Variants in SPIRE1 observed in about 807,000 individuals in gnomAD.
SPIRE1 encodes the protein protein spire homolog 1.
In SPIRE1, 40 loss-of-function variants were observed where a neutral mutation model predicts 94.1. That is an observed-to-expected ratio of 0.43 (90% CI 0.33 to 0.55). The LOEUF is 0.55. Among genes scored for constraint, SPIRE1 ranks in the 20% least tolerant of loss-of-function variants. The pLI is 0.06. For missense variants in SPIRE1, 838 were observed against 975.2 expected (o/e 0.86, Z 1.87); for synonymous variants, 376 against 371.7 (o/e 1.01, Z -0.13).
intron 10 of SPIRE1, among the ~76,000 whole-genome samples, chr18:12,475,333 C>T (rs1418812146): frequency 6.6e-6 from 1 of 152,190 alleles, no homozygotes; most frequent in Non-Finnish European, 1.5e-5. Context: ...CAGTCACATT[C>T]TACATACCCT....
intron 10 of SPIRE1, among the ~76,000 whole-genome samples, chr18:12,477,216 G>C (rs1176777549): frequency 6.6e-6 from 1 of 152,148 alleles, no homozygotes; most frequent in Non-Finnish European, 1.5e-5. Context: ...GTAGGCCTGT[G>C]GGGGTGCAGG....
At chr18:12,460,558 C>G (rs906092513) in intron 12 of SPIRE1, among the ~76,000 whole-genome samples, 12 of 151,980 alleles carry the variant, frequency 7.9e-5, no homozygotes, top group African/African-American at 2.7e-4. Flanking sequence ...CCTAAGTATA[C>G]AAAATTAGCC....
At chr18:12,529,647 T>C (rs550846197) in intron 4 of SPIRE1, among the ~76,000 whole-genome samples, 12 of 152,124 alleles carry the variant, frequency 7.9e-5, no homozygotes, top group Non-Finnish European at 1.8e-4. Flanking sequence ...CCAAGATGAG[T>C]TAACTGTATT....
intron 2 of SPIRE1, among the ~76,000 whole-genome samples, chr18:12,627,601 T>A (rs2037669768): frequency 6.6e-6 from 1 of 152,202 alleles, no homozygotes; most frequent in Non-Finnish European, 1.5e-5. Context: ...GGTCAAATGG[T>A]ATTTCTAGTT....
chr18:12,447,975 A>G lies in SPIRE1; in HGVS notation c.*1663T>C, dbSNP rs1170523649. 3.9e-5 allele frequency: 6 copies of G among 152,190 alleles called. No individual in the cohort carries two copies. Among genetic ancestry groups the G allele is most frequent in the Admixed American group, 3.9e-4 (6 of 15,262 alleles). The allele number at this position is 152,190 out of a possible 1,614,324, so 9.4% of individuals were successfully genotyped here. A position where few individuals can be genotyped will look rare whatever the true frequency, so the allele number is the denominator to read the frequency against. On this transcript the variant is annotated 3_prime_UTR_variant, in exon 17 of 17. Coordinates refer to ENST00000409402, the MANE Select transcript of SPIRE1 (RefSeq NM_001128626.2). The stretch of plus-strand genomic sequence containing the variant: ...GATAGTCTCTTAGGAAGTTTTATAA[A>G]TGAGATTCACCCAGTACAATTCTGA...
chr18:12,587,241 C>T (rs889040598), intron 2 of SPIRE1, among the ~76,000 whole-genome samples: 3 of 152,030 alleles, frequency 2.0e-5, no homozygotes, highest in Non-Finnish European at 4.4e-5. Flanking sequence ...TTCTGACAGA[C>T]GGTGTGATGA....
intron 10 of SPIRE1, among the ~76,000 whole-genome samples, chr18:12,475,889 C>T (rs769098307): frequency 5.3e-5 from 8 of 152,146 alleles, no homozygotes; most frequent in Non-Finnish European, 1.2e-4. Flanking sequence ...ACACCCTGAG[C>T]GGGCCTAGGG....
chr18:12,621,131 T>C (rs1198746198), intron 2 of SPIRE1, among the ~76,000 whole-genome samples: 1 of 152,114 alleles, frequency 6.6e-6, no homozygotes, highest in Non-Finnish European at 1.5e-5. Context: ...GAAAATAGGC[T>C]CAACATCATT....
At chr18:12,613,730 T>C (rs776776195) in intron 2 of SPIRE1, among the ~76,000 whole-genome samples, 18 of 148,030 alleles carry the variant, frequency 1.2e-4, no homozygotes, top group Admixed American at 1.0e-3. Flanking sequence ...TGAAAGGCCG[T>C]CTCTACTAAA....
intron 4 of SPIRE1, among the ~76,000 whole-genome samples, chr18:12,532,155 GTTGT>G (rs1480527925): frequency 6.6e-6 from 1 of 152,166 alleles, no homozygotes; most frequent in East Asian, 1.9e-4. Context: ...GAGTTCATTG[GTTGT>G]TTAAGAAGAA....
chr18:12,512,382 G>A, intron 5 of SPIRE1, 72 bp downstream of exon 5: 4 of 1,029,476 alleles, frequency 3.9e-6, no homozygotes, highest in South Asian at 2.9e-5. Flanking sequence ...ATGAGACTCT[G>A]TCTCAAAAAA....
chr18:12,622,072 C>T (rs1309421187), intron 2 of SPIRE1, among the ~76,000 whole-genome samples: 2 of 152,148 alleles, frequency 1.3e-5, no homozygotes, highest in Non-Finnish European at 2.9e-5. Flanking sequence ...CATCTCTACT[C>T]CCTAATCCCC....
intron 2 of SPIRE1, among the ~76,000 whole-genome samples, chr18:12,598,401 C>T (rs1157222371): frequency 6.6e-6 from 1 of 152,010 alleles, no homozygotes; most frequent in African/African-American, 2.4e-5. Context: ...TAACAACTGG[C>T]TTTCTGGCAG....
At chr18:12,450,456 G>T in intron 16 of SPIRE1, 1 of 533,352 alleles carries the variant, frequency 1.9e-6, no homozygotes, top group Non-Finnish European at 3.1e-6. Flanking sequence ...GATGGCTAAA[G>T]GTGACCCCAA....
intron 2 of SPIRE1, among the ~76,000 whole-genome samples, chr18:12,598,543 A>T (rs766483503): frequency 4.8e-4 from 73 of 152,066 alleles, no homozygotes; most frequent in Non-Finnish European, 9.0e-4. Context: ...AATAAAACCT[A>T]TTTTAATGAC....
chr18:12,479,788 C>G lies in SPIRE1; in HGVS notation c.1315G>C (p.Gly439Arg). Residue 439 changes from glycine to arginine, a missense_variant, in exon 10 of 17, where the codon GGG becomes CGG. Gly to Arg is a moderately radical substitution (Grantham distance 125). This residue lies in a region of SPIRE1 where 645 missense variants were observed against 804.7 expected (regional missense o/e 0.80). Coordinates refer to ENST00000409402, the MANE Select transcript of SPIRE1 (RefSeq NM_001128626.2). Reference protein sequence around the residue: ...GGLTSQTKENGLSTSQQVPAQ... With the variant: ...GGLTSQTKENRLSTSQQVPAQ... ...GGCACCTGCTGTGAGGTACTTAACC[C>G]GTTTTCTTTTGTTTGTGATGTCAAA... The G allele has an allele frequency of 4.3e-6, 7 of 1,614,118 alleles. No individual in the cohort carries two copies. Among genetic ancestry groups the G allele is most frequent in the Non-Finnish European group, 5.9e-6 (7 of 1,180,012 alleles).
chr18:12,528,562 C>T (rs146285892), intron 4 of SPIRE1, among the ~76,000 whole-genome samples: 9 of 152,196 alleles, frequency 5.9e-5, no homozygotes, highest in East Asian at 1.9e-4. Context: ...ACACATAGGG[C>T]AGGGATGAAT....
intron 2 of SPIRE1, among the ~76,000 whole-genome samples, chr18:12,549,447 T>G (rs1225364577): frequency 3.2e-5 from 3 of 93,404 alleles, no homozygotes; most frequent in Non-Finnish European, 7.5e-5. Context: ...TTGTTTTTTT[T>G]TTTTTTTTTT....
At chr18:12,584,219 C>G in intron 2 of SPIRE1, among the ~76,000 whole-genome samples, 1 of 152,048 alleles carries the variant, frequency 6.6e-6, no homozygotes. Context: ...CATTTGAGTT[C>G]AGGAGTTTGA....
Sources: gnomAD v4.1 joint callset for allele counts (sites outside exome capture counted in the v4.1 genomes callset) on GRCh38, gnomAD v4.1.1 for gene constraint, gnomAD v4.1.1 regional missense constraint, MANE v1.5 for transcripts, NCBI Gene and HGNC (gene_info 2026-07-23, HGNC 2026-07-21) for gene names.